SAMMSON: variants seen among roughly 807,000 people sequenced by gnomAD.
The protein encoded by SAMMSON is long intergenic non-protein coding RNA 1212.
intron 2 of SAMMSON, chr3:70,013,371 C>T (rs1198568135): frequency 6.6e-6 from 1 of 152,094 alleles, no homozygotes; most frequent in Non-Finnish European, 1.5e-5. Flanking sequence ...GCATTTGGCA[C>T]ATAGTAAGTG....
At chr3:70,324,716 T>C (rs1336993318) in intron 7 of SAMMSON, among the ~76,000 whole-genome samples, 3 of 152,160 alleles carry the variant, frequency 2.0e-5, no homozygotes, top group Non-Finnish European at 4.4e-5. Context: ...TTCTTGCTGA[T>C]GTGCAGTGTA....
chr3:70,162,267 C>T (rs963284838), intron 4 of SAMMSON, among the ~76,000 whole-genome samples: 5 of 151,746 alleles, frequency 3.3e-5, no homozygotes, highest in African/African-American at 1.2e-4. Context: ...TAAATATAGG[C>T]ATTTAAAACT....
At chr3:70,301,691 AT>A (rs1273043860) in intron 7 of SAMMSON, among the ~76,000 whole-genome samples, 4 of 152,096 alleles carry the variant, frequency 2.6e-5, no homozygotes, top group Non-Finnish European at 4.4e-5. Context: ...TGGAATCTTA[AT>A]TTGTGGCCTG....
At chr3:70,189,947 A>T (rs1701119150) in intron 4 of SAMMSON, among the ~76,000 whole-genome samples, 1 of 152,152 alleles carries the variant, frequency 6.6e-6, no homozygotes, top group Non-Finnish European at 1.5e-5. Flanking sequence ...ATGAAAATTT[A>T]TATGGCCAAG....
chr3:70,121,883 A>G (rs2067435258), intron 4 of SAMMSON, among the ~76,000 whole-genome samples: 1 of 151,610 alleles, frequency 6.6e-6, no homozygotes, highest in African/African-American at 2.4e-5. Flanking sequence ...GATTCTAAGG[A>G]TCCCCCCTGC....
At chr3:70,025,922 C>T (rs931221309) in intron 3 of SAMMSON, among the ~76,000 whole-genome samples, 1 of 152,064 alleles carries the variant, frequency 6.6e-6, no homozygotes, top group African/African-American at 2.4e-5. Flanking sequence ...TTCTCATCAT[C>T]TTCATATTGA....
intron 2 of SAMMSON, among the ~76,000 whole-genome samples, chr3:70,418,919 T>TCTTTC (rs200336047): frequency 0.014 from 1,228 of 85,086 alleles, 46 homozygotes; most frequent in East Asian, 0.026. Flanking sequence ...ATGTTTGCTT[T>TCTTTC]CTTTCCTTTC....
At chr3:70,187,427 CTTTTTTTTTT>C (rs928465556) in intron 4 of SAMMSON, among the ~76,000 whole-genome samples, 14 of 73,150 alleles carry the variant, frequency 1.9e-4, no homozygotes, top group East Asian at 4.1e-4. Flanking sequence ...GGGACCAACT[CTTTTTTTTTT>C]TTTTTTTTTT....
At chr3:70,232,441 C>T (rs188274480) in intron 4 of SAMMSON, among the ~76,000 whole-genome samples, 6 of 150,864 alleles carry the variant, frequency 4.0e-5, no homozygotes, top group Admixed American at 4.0e-4. Flanking sequence ...CTCGCTCTGT[C>T]GCCAGGCTGG....
chr3:70,323,027 G>A (rs1702549431), intron 7 of SAMMSON, among the ~76,000 whole-genome samples: 1 of 152,112 alleles, frequency 6.6e-6, no homozygotes, highest in Non-Finnish European at 1.5e-5. Context: ...TGAATTTGGG[G>A]GAAGGATAAG....
intron 4 of SAMMSON, among the ~76,000 whole-genome samples, chr3:70,248,502 G>C (rs1701729995): frequency 2.6e-5 from 4 of 152,056 alleles, no homozygotes; most frequent in Non-Finnish European, 4.4e-5. Context: ...GCATAGCTCA[G>C]AACTTGGAGG....
intron 2 of SAMMSON, among the ~76,000 whole-genome samples, chr3:70,431,189 T>C (rs1308965998): frequency 1.3e-5 from 2 of 152,122 alleles, no homozygotes; most frequent in Non-Finnish European, 2.9e-5. Context: ...TGAAGAAATA[T>C]CACTTTTCAG....
At chr3:70,273,761 A>T (rs929915087) in intron 6 of SAMMSON, among the ~76,000 whole-genome samples, 1 of 152,218 alleles carries the variant, frequency 6.6e-6, no homozygotes, top group African/African-American at 2.4e-5. Context: ...TTTGTTTAGC[A>T]GTCAAATGTA....
chr3:70,097,131 G>T (rs1576120859), intron 4 of SAMMSON, among the ~76,000 whole-genome samples: 1 of 152,306 alleles, frequency 6.6e-6, no homozygotes, highest in Middle Eastern at 3.4e-3. Context: ...TTTTAACACA[G>T]CTGGTAAAAG....
chr3:70,431,115 T>C (rs1055654644), intron 2 of SAMMSON, among the ~76,000 whole-genome samples: 5 of 152,074 alleles, frequency 3.3e-5, no homozygotes, highest in African/African-American at 1.2e-4. Flanking sequence ...AAAGCTTACA[T>C]GAGACCATAA....
At chr3:70,116,040 C>G (rs950402040) in intron 4 of SAMMSON, among the ~76,000 whole-genome samples, 6 of 152,172 alleles carry the variant, frequency 3.9e-5, no homozygotes, top group African/African-American at 1.4e-4. Context: ...TAAAGTCTTC[C>G]AGTCAAAAGT....
intron 4 of SAMMSON, among the ~76,000 whole-genome samples, chr3:70,178,211 A>G (rs760121326): frequency 3.3e-5 from 5 of 152,134 alleles, no homozygotes; most frequent in Non-Finnish European, 7.3e-5. Context: ...TCTGTAGCCA[A>G]TGGATATTTT....
intron 7 of SAMMSON, among the ~76,000 whole-genome samples, chr3:70,324,603 C>G (rs888192541): frequency 6.6e-6 from 1 of 152,068 alleles, no homozygotes; most frequent in Admixed American, 6.6e-5. Flanking sequence ...TAGGTGCTGT[C>G]GAAGTACAGA....
chr3:70,189,633 G>A (rs78751521), intron 4 of SAMMSON, among the ~76,000 whole-genome samples: 2,605 of 152,278 alleles, frequency 0.017, 30 homozygotes, highest in Non-Finnish European at 0.026. Flanking sequence ...ATGTTGGTTG[G>A]AAGATACTTA....
Sources: gnomAD v4.1 joint callset for allele counts (sites outside exome capture counted in the v4.1 genomes callset) on GRCh38, gnomAD v4.1.1 for gene constraint, MANE v1.5 for transcripts, NCBI Gene and HGNC (gene_info 2026-07-23, HGNC 2026-07-21) for gene names.